The following NCAM2 variants were observed in gnomAD, a reference collection of about 807,000 sequenced individuals.
The protein encoded by NCAM2 is N-CAM-2.
In NCAM2, 30 loss-of-function variants were observed where a neutral mutation model predicts 98.1. The ratio of observed to expected loss-of-function variants is 0.31; its 90% CI spans 0.23 to 0.41. NCAM2 has a LOEUF of 0.41. NCAM2 is among the 10% of genes least tolerant of loss of function. The pLI, the probability that NCAM2 is intolerant of heterozygous loss-of-function variation, is 1.00. For missense variants in NCAM2, 867 were observed against 1,005.8 expected, an observed-to-expected ratio of 0.86 and a Z score of 1.87; for synonymous variants, 368 against 342.4, an observed-to-expected ratio of 1.07 and a Z score of -0.83.
At chr21:21,435,184 A>C (rs62214325) in intron 12 of NCAM2, among the ~76,000 whole-genome samples, 11,626 of 152,216 alleles carry the variant, frequency 0.076, 490 homozygotes, top group East Asian at 0.16. Context: ...ACCAAGAGAA[A>C]TGCTCCACAT....
At chr21:21,015,296 C>T (rs1849760186) in intron 1 of NCAM2, among the ~76,000 whole-genome samples, 1 of 152,100 alleles carries the variant, frequency 6.6e-6, no homozygotes, top group Admixed American at 6.5e-5. Flanking sequence ...CAGAGAAGTA[C>T]GTTAGGAAAG....
chr21:21,219,577 T>A (rs892586471), intron 1 of NCAM2, among the ~76,000 whole-genome samples: 2 of 152,222 alleles, frequency 1.3e-5, no homozygotes, highest in African/African-American at 2.4e-5. Context: ...TGCCAGTCAA[T>A]AAACGCATAG....
intron 8 of NCAM2, among the ~76,000 whole-genome samples, chr21:21,351,477 C>G (rs2147942697): frequency 6.6e-6 from 1 of 152,162 alleles, no homozygotes; most frequent in East Asian, 1.9e-4. Context: ...AAGCTTAAGA[C>G]AAACCAAAGC....
At chr21:21,525,055 A>T (rs770789898) in intron 16 of NCAM2, among the ~76,000 whole-genome samples, 14 of 152,146 alleles carry the variant, frequency 9.2e-5, no homozygotes, top group Non-Finnish European at 1.9e-4. Context: ...ATTAGAATAT[A>T]AGAAAGATTT....
chr21:21,193,147 G>T (rs2068880769), intron 1 of NCAM2, among the ~76,000 whole-genome samples: 2 of 152,128 alleles, frequency 1.3e-5, no homozygotes, highest in African/African-American at 4.8e-5. Flanking sequence ...CCAGTCCATT[G>T]TAACAGTAAA....
chr21:21,191,698 A>T (rs527847622), intron 1 of NCAM2, among the ~76,000 whole-genome samples: 1 of 152,152 alleles, frequency 6.6e-6, no homozygotes, highest in East Asian at 1.9e-4. Context: ...GTTAATTTTA[A>T]TTATCATCAT....
intron 9 of NCAM2, among the ~76,000 whole-genome samples, chr21:21,400,694 TCA>T (rs2076608898): frequency 6.6e-6 from 1 of 151,876 alleles, no homozygotes; most frequent in Admixed American, 6.6e-5. Flanking sequence ...CAAGTGATTC[TCA>T]TGCCTCAGCC....
chr21:21,234,332 A>G (rs1430870311), intron 1 of NCAM2, among the ~76,000 whole-genome samples: 2 of 152,096 alleles, frequency 1.3e-5, no homozygotes, highest in South Asian at 4.1e-4. Flanking sequence ...GTACAATGCT[A>G]GGAAATATAC....
At chr21:21,302,833 C>G (rs997119643) in intron 5 of NCAM2, among the ~76,000 whole-genome samples, 3 of 152,058 alleles carry the variant, frequency 2.0e-5, no homozygotes, top group African/African-American at 4.8e-5. Context: ...CACAATAGTA[C>G]ACACATGGAA....
intron 1 of NCAM2, among the ~76,000 whole-genome samples, chr21:21,243,957 A>T (rs2071168014): frequency 6.6e-6 from 1 of 152,182 alleles, no homozygotes; most frequent in Non-Finnish European, 1.5e-5. Flanking sequence ...CTTTGTAATG[A>T]TTATATTTGT....
chr21:21,241,729 T>G (rs2071073926), intron 1 of NCAM2, among the ~76,000 whole-genome samples: 1 of 66 alleles, frequency 0.015, no homozygotes, highest in Non-Finnish European at 0.038. Context: ...ATTAATAACA[T>G]AATCTGAGTT....
In NCAM2 at chr21:21,087,692, A is replaced by G. The variant is rs2065931667; in HGVS notation, c.55+89074A>G. On this transcript the variant is annotated intron_variant, in intron 1 of 17. Transcript: ENST00000400546. ...CTCTGGGTCACAGACAGGAATGGGC[A>G]TGCAAGGAGAGAGGAAATGGTGGCT... 2.0e-5 allele frequency among the ~76,000 whole-genome samples: 3 copies of G among 152,340 alleles called. 1 individual carries two copies. The South Asian group carries it at 6.2e-4, about 32-fold the overall frequency.
chr21:21,281,539 T>A (rs2072928862), intron 2 of NCAM2, among the ~76,000 whole-genome samples: 2 of 152,158 alleles, frequency 1.3e-5, no homozygotes, highest in Admixed American at 1.3e-4. Context: ...ACATATGGTT[T>A]TCTTTCCAAA....
chr21:21,309,205 T>G (rs2073969962), intron 5 of NCAM2, among the ~76,000 whole-genome samples: 1 of 152,212 alleles, frequency 6.6e-6, no homozygotes, highest in African/African-American at 2.4e-5. Flanking sequence ...TTATATTTCC[T>G]GCTTCTTTTC....
chr21:21,457,573 G>A (rs1982337034), intron 12 of NCAM2, among the ~76,000 whole-genome samples: 1 of 151,908 alleles, frequency 6.6e-6, no homozygotes, highest in African/African-American at 2.4e-5. Context: ...CCAGGAGGCA[G>A]AGGTTGCAGT....
chr21:21,115,957 T>TTGTGTGTGTGTGTG (rs58824475), intron 1 of NCAM2, among the ~76,000 whole-genome samples: 17 of 147,282 alleles, frequency 1.2e-4, no homozygotes, highest in South Asian at 1.1e-3. Flanking sequence ...CTCTGAGATT[T>TTGTGTGTGTGTGTG]TGTGTGTGTG....
chr21:21,054,721 GT>G (rs2065179855), intron 1 of NCAM2, among the ~76,000 whole-genome samples: 1 of 151,988 alleles, frequency 6.6e-6, no homozygotes, highest in East Asian at 1.9e-4. Flanking sequence ...ATTAATTCAA[GT>G]CTCTCTGTTA....
At chr21:21,189,823 A>C (rs2146958132) in intron 1 of NCAM2, among the ~76,000 whole-genome samples, 1 of 152,316 alleles carries the variant, frequency 6.6e-6, no homozygotes, top group South Asian at 2.1e-4. Context: ...AAAGGCAAGG[A>C]TGTGAGTTTA....
chr21:21,330,768 A>G (rs1300511986), intron 6 of NCAM2, among the ~76,000 whole-genome samples: 2 of 152,108 alleles, frequency 1.3e-5, no homozygotes, highest in Non-Finnish European at 2.9e-5. Flanking sequence ...CAGTACTATG[A>G]AAATTATTAT....
Sources: allele counts gnomAD v4.1 joint callset (sites outside exome capture counted in the v4.1 genomes callset), GRCh38; gene constraint gnomAD v4.1.1; transcripts MANE v1.5; gene names NCBI Gene and HGNC (gene_info 2026-07-23, HGNC 2026-07-21).